The following TMEM117 variants were observed in gnomAD, a reference collection of about 807,000 sequenced individuals.
TMEM117 encodes the protein transmembrane protein 117.
Under a neutral mutation model 52.4 loss-of-function variants are expected in TMEM117, and 27 were observed. The observed-to-expected ratio is 0.51, with a 90% confidence interval of 0.38 to 0.71. The LOEUF (loss-of-function observed/expected upper bound fraction) is 0.71. Ranked by LOEUF, TMEM117 falls within the 30% of genes least tolerant of loss-of-function variation. The pLI is 0.00. For missense variants in TMEM117, 556 were observed against 630.5 expected, an observed-to-expected ratio of 0.88 and a Z score of 1.26; for synonymous variants, 215 against 206.3, an observed-to-expected ratio of 1.04 and a Z score of -0.36.
intron 4 of TMEM117, among the ~76,000 whole-genome samples, chr12:44,156,841 A>G (rs1948832156): frequency 1.3e-5 from 2 of 152,088 alleles, no homozygotes; most frequent in African/African-American, 4.8e-5. Context: ...CCACGAGGCA[A>G]TATAAGTGCT....
chr12:44,060,129 T>C (rs1450463072), intron 3 of TMEM117, among the ~76,000 whole-genome samples: 2 of 152,164 alleles, frequency 1.3e-5, no homozygotes, highest in Admixed American at 6.6e-5. Flanking sequence ...TCAGGACTAT[T>C]GGGAAGATTA....
intron 2 of TMEM117, among the ~76,000 whole-genome samples, chr12:43,874,947 TG>T (rs1169373423): frequency 6.6e-6 from 1 of 152,094 alleles, no homozygotes; most frequent in African/African-American, 2.4e-5. Flanking sequence ...GGGATGCAGG[TG>T]GGAATTACAT....
intron 2 of TMEM117, among the ~76,000 whole-genome samples, chr12:43,934,966 A>G (rs1197902792): frequency 6.6e-6 from 1 of 152,066 alleles, no homozygotes; most frequent in Non-Finnish European, 1.5e-5. Flanking sequence ...TCATGGAATA[A>G]TTCTCATATT....
intron 3 of TMEM117, among the ~76,000 whole-genome samples, chr12:44,007,949 C>T (rs1207658104): frequency 2.6e-5 from 4 of 152,104 alleles, no homozygotes; most frequent in Admixed American, 6.5e-5. Flanking sequence ...TACCCAGTCT[C>T]GGTTATGTCT....
At chr12:43,958,894 C>A (rs1945353292) in intron 3 of TMEM117, among the ~76,000 whole-genome samples, 2 of 152,098 alleles carry the variant, frequency 1.3e-5, no homozygotes, top group Admixed American at 6.6e-5. Context: ...GCAAGCTCCG[C>A]CTCCCGGGTT....
the TMEM117 span, among the ~76,000 whole-genome samples, chr12:43,819,762 G>A: frequency 2.6e-5 from 4 of 151,604 alleles, no homozygotes; most frequent in African/African-American, 7.3e-5. Context: ...GCGATAGAGC[G>A]AGACTCTGTC....
chr12:44,095,624 A>G (rs552061606), intron 3 of TMEM117, among the ~76,000 whole-genome samples: 1 of 152,190 alleles, frequency 6.6e-6, no homozygotes, highest in South Asian at 2.1e-4. Flanking sequence ...CTGGAAGATG[A>G]ATAGGAGAGA....
chr12:43,860,979 G>T (rs1346668536), intron 2 of TMEM117, among the ~76,000 whole-genome samples: 1 of 151,982 alleles, frequency 6.6e-6, no homozygotes, highest in Non-Finnish European at 1.5e-5. Context: ...CCCCATTATG[G>T]CTCCTTTATG....
intron 3 of TMEM117, chr12:44,008,892 A>G (rs1430585959): frequency 2.4e-5 from 10 of 422,576 alleles, no homozygotes; most frequent in Non-Finnish European, 4.6e-5. Context: ...GAGCATCTAT[A>G]TGGTTTTACT....
At position 43,837,352 on chromosome 12, in the gene TMEM117, GTCTT is replaced by G. The variant is rs550902317; in HGVS notation, c.-29+1167_-29+1170del. Among the ~76,000 whole-genome samples the G allele has an allele frequency of 1.7e-3, 262 of 152,020 alleles. 2 individuals are homozygous for G. The highest frequency in any genetic ancestry group is 6.2e-3 in the African/African-American group (255 of 41,458). ...ATTTCTTTTCTTTTCTTTAATTTCT[GTCTT>G]TCTTTCTTTCATGGAGTCGGGCTCT... On this transcript the variant is annotated intron_variant, in intron 1 of 7. Transcript: ENST00000266534.
At chr12:43,944,514 C>G (rs930549616) in intron 3 of TMEM117, among the ~76,000 whole-genome samples, 172 bp downstream of exon 3, 1 of 150,648 alleles carries the variant, frequency 6.6e-6, no homozygotes, top group African/African-American at 2.4e-5. Flanking sequence ...TTTTTTTTTC[C>G]AGGAAGCATA....
At chr12:43,864,401 T>C (rs1436377227) in intron 2 of TMEM117, among the ~76,000 whole-genome samples, 3 of 152,208 alleles carry the variant, frequency 2.0e-5, no homozygotes, top group African/African-American at 7.2e-5. Flanking sequence ...TATGTCTAGC[T>C]AAGGGATTGT....
At position 44,388,372 on chromosome 12, in the gene TMEM117, A is replaced by C; in HGVS notation, c.1245A>C (p.Gly415=). ...VWFGFFIWFF[G]RFLKNEPRME... is the part of the protein sequence containing the mutation. ...TTGGATTCTTTATTTGGTTCTTTGG[A>C]CGATTTTTGAAAAATGAGCCACGCA... Residue 415 remains glycine (G), a synonymous_variant, in exon 8 of 8, where the codon GGA becomes GGC. Coordinates refer to ENST00000266534, the MANE Select transcript of TMEM117 (RefSeq NM_032256.3). 1 of 1,613,450 alleles carries C rather than the reference A, an allele frequency of 6.2e-7. No homozygotes were observed. Among genetic ancestry groups the C allele is most frequent in the Non-Finnish European group, 8.5e-7 (1 of 1,179,650 alleles).
intron 4 of TMEM117, among the ~76,000 whole-genome samples, chr12:44,161,861 T>C (rs1948902995): frequency 1.3e-5 from 2 of 152,150 alleles, no homozygotes; most frequent in South Asian, 4.1e-4. Context: ...AAGTTGATAC[T>C]GATCACAAAA....
intron 3 of TMEM117, among the ~76,000 whole-genome samples, chr12:44,088,484 TAA>T (rs1179202860): frequency 6.6e-6 from 1 of 152,192 alleles, no homozygotes; most frequent in Non-Finnish European, 1.5e-5. Flanking sequence ...TATTTCCTCT[TAA>T]AAAATTTCCA....
chr12:43,851,467 T>A (rs1299297925), intron 2 of TMEM117, among the ~76,000 whole-genome samples: 1 of 147,978 alleles, frequency 6.8e-6, no homozygotes, highest in Non-Finnish European at 1.5e-5. Context: ...TGATTCTAGT[T>A]TTTTTTTAAA....
chr12:44,126,994 T>A (rs1032924453), intron 3 of TMEM117, among the ~76,000 whole-genome samples: 2 of 152,324 alleles, frequency 1.3e-5, no homozygotes, highest in East Asian at 3.9e-4. Context: ...GAGTTAAAAT[T>A]TCAGAAATAT....
intron 2 of TMEM117, among the ~76,000 whole-genome samples, chr12:43,862,679 A>T (rs1943510419): frequency 6.6e-6 from 1 of 152,224 alleles, no homozygotes; most frequent in African/African-American, 2.4e-5. Context: ...CCTGGGGTGG[A>T]GTGCAGAGGA....
intron 6 of TMEM117, among the ~76,000 whole-genome samples, chr12:44,333,388 T>G (rs573178947): frequency 8.5e-5 from 13 of 152,142 alleles, no homozygotes; most frequent in Admixed American, 1.3e-4. Flanking sequence ...TAAATACATA[T>G]TGATATGGTT....
Sources: allele counts gnomAD v4.1 joint callset (sites outside exome capture counted in the v4.1 genomes callset), GRCh38; gene constraint gnomAD v4.1.1; transcripts MANE v1.5; gene names NCBI Gene and HGNC (gene_info 2026-07-23, HGNC 2026-07-21).